The following SKOR2 variants were observed in gnomAD, a reference collection of about 807,000 sequenced individuals.
The protein encoded by SKOR2 is LBX1 corepressor 1-like protein.
A neutral mutation model predicts 69.1 loss-of-function variants in SKOR2; 47 were observed. The ratio of observed to expected loss-of-function variants is 0.68; its 90% confidence interval spans 0.54 to 0.87. SKOR2 has a LOEUF of 0.87. Ranked by LOEUF, SKOR2 falls within the 40% of genes least tolerant of loss-of-function variation. The probability of loss-of-function intolerance (pLI) is 0.00; values close to 1 mark genes in which losing one functional copy is unlikely to be tolerated. For missense variants in SKOR2, 1,404 were observed against 1,472.2 expected, an observed-to-expected ratio of 0.95 and a Z score of 0.76; for synonymous variants, 717 against 672.6, an observed-to-expected ratio of 1.07 and a Z score of -1.02.
At chr18:47,245,659 C>T (rs899995382) in intron 2 of SKOR2, 98 bp from the exon 3 acceptor site, 45 of 1,123,350 alleles carry the variant, frequency 4.0e-5, no homozygotes, top group African/African-American at 1.6e-5. Flanking sequence ...AAAGTGACTC[C>T]ATGGAGCCTC....
At chr18:47,231,672 C>T (rs1294536006) in intron 4 of SKOR2, among the ~76,000 whole-genome samples, 3 of 151,836 alleles carry the variant, frequency 2.0e-5, no homozygotes, top group South Asian at 2.1e-4. Flanking sequence ...GGAGAAACCC[C>T]GTCTCTATGA....
At chr18:47,251,280 C>G (rs1202138009) in intron 1 of SKOR2, 94 bp downstream of exon 1, 1 of 152,302 alleles carries the variant, frequency 6.6e-6, no homozygotes, top group Non-Finnish European at 1.5e-5. Flanking sequence ...CACCGCTGCC[C>G]CTCAACCTAA....
Position 47,230,561 on chromosome 18 carries a change from A to AT in SKOR2, c.2819-5dup, listed in dbSNP as rs2144495442. 2 of 1,404,242 alleles carry AT rather than the reference A, an allele frequency of 1.4e-6. No homozygotes were observed. The allele number at this position is 1,404,242 out of a possible 1,614,324, so 87.0% of individuals were successfully genotyped here. A position where few individuals can be genotyped will look rare whatever the true frequency, so the allele number is the denominator to read the frequency against. Reference sequence around the variant, plus strand: ...AATAAAACCTTCTGAAGTTCTTCTAATAAAAAAAAGAAGAGTCATTTTACT... The same window carrying AT: ...AATAAAACCTTCTGAAGTTCTTCTAATTAAAAAAAAGAAGAGTCATTTTACT... On this transcript the variant is annotated splice_region_variant and splice_polypyrimidine_tract_variant and intron_variant, in intron 5 of 8. Transcript: ENST00000425639.
rs2064278261 is a variant in SKOR2, at chr18:47,246,966, C to G, written c.2218G>C (p.Glu740Gln). ...DSSEDEDDEEEEQEVDVEGHK... is the reference protein window; with the variant it reads ...DSSEDEDDEEQEQEVDVEGHK... Reference sequence around the variant, plus strand: ...CCCTCCACGTCCACCTCCTGCTCTTCTTCCTCGTCGTCCTCGTCCTCGGAG... The same window carrying G: ...CCCTCCACGTCCACCTCCTGCTCTTGTTCCTCGTCGTCCTCGTCCTCGGAG... The change falls in exon 2 of 9, where the codon GAA becomes CAA. Residue 740 changes from glutamate (E) to glutamine (Q), a missense_variant. Around this residue, in one of 3 missense-constraint regions of SKOR2, gnomAD observed 1,266 missense variants for 1,309.9 expected, o/e 0.97. Coordinates refer to ENST00000425639, the MANE Select transcript of SKOR2 (RefSeq NM_001278063.4). The G allele has an allele frequency of 6.7e-7, 1 of 1,498,452 alleles. No individual in the cohort carries two copies. The highest frequency in any genetic ancestry group is 8.8e-7 in the Non-Finnish European group (1 of 1,130,374). The allele number at this position is 1,498,452 out of a possible 1,614,324, so 92.8% of individuals were successfully genotyped here.
intron 7 of SKOR2, among the ~76,000 whole-genome samples, chr18:47,216,575 A>G (rs1032213421): frequency 6.6e-6 from 1 of 152,222 alleles, no homozygotes; most frequent in African/African-American, 2.4e-5. Flanking sequence ...CAGAAATGAC[A>G]GTCAACAGAG....
In SKOR2 at chr18:47,247,602, G is replaced by T. The variant is rs1285817933; in HGVS notation, c.1582C>A (p.Pro528Thr). ...ACTACCTGCGGGGGCTGCCCCGGCG[G>T]GGGCGCGGCCTCGGCGCTCCCAGCA... Reference protein sequence around the residue: ...GAAGSAEAAPPPGQPPQVVAN... With the variant: ...GAAGSAEAAPTPGQPPQVVAN... Residue 528 changes from proline to threonine, a missense_variant, in exon 2 of 9, where the codon CCG becomes ACG. Coordinates refer to ENST00000425639, the MANE Select transcript of SKOR2 (RefSeq NM_001278063.4). This position sits in a 1 kb window ranked among gnomAD's most constrained non-coding sequence, Gnocchi z 6.6. 19 of 1,269,220 alleles carry T rather than the reference G, an allele frequency of 1.5e-5. No homozygotes were observed. The highest frequency in any genetic ancestry group is 1.9e-5 in the Non-Finnish European group (19 of 1,010,290). 78.6% of individuals were successfully genotyped at this position (1,269,220 alleles called of 1,614,324 possible). A position where few individuals can be genotyped will look rare whatever the true frequency, so the allele number is the denominator to read the frequency against.
intron 4 of SKOR2, among the ~76,000 whole-genome samples, chr18:47,239,206 T>A (rs934495731): frequency 6.6e-5 from 10 of 152,116 alleles, no homozygotes; most frequent in African/African-American, 2.4e-4. Flanking sequence ...CATTAAAAAA[T>A]CAATTATATA....
intron 4 of SKOR2, among the ~76,000 whole-genome samples, chr18:47,235,182 G>A (rs1241119733): frequency 2.0e-5 from 3 of 152,094 alleles, no homozygotes; most frequent in Non-Finnish European, 4.4e-5. Flanking sequence ...GCAACATGGC[G>A]AAACTCTGTC....
chr18:47,248,095 G>T lies in SKOR2; in HGVS notation c.1089C>A (p.Gly363=), dbSNP rs570262618. 194 of 1,356,168 alleles carry T rather than the reference G, an allele frequency of 1.4e-4. 1 individual carries two copies. The African/African-American group carries it at 2.8e-3, about 19-fold the overall frequency. The allele number at this position is 1,356,168 out of a possible 1,614,324, so 84.0% of individuals were successfully genotyped here. The change falls in exon 2 of 9, where the codon GGC becomes GGA. Residue 363 remains glycine, a synonymous_variant. Coordinates refer to ENST00000425639, the MANE Select transcript of SKOR2 (RefSeq NM_001278063.4). The surrounding 1 kb of genome is among the most constrained non-coding windows in gnomAD (Gnocchi z 6.4). ...CCCCGGCACCCGCCCCCGCGCCCGCGCCCACGCCCACGCCGGCCACACAGC... is the reference window on the plus strand; with the variant it reads ...CCCCGGCACCCGCCCCCGCGCCCGCTCCCACGCCCACGCCGGCCACACAGC... ...GGGCVAGVGV[G]AGAGAGAGAG...
At chr18:47,235,926 T>C (rs1294352615) in intron 4 of SKOR2, among the ~76,000 whole-genome samples, 1 of 152,136 alleles carries the variant, frequency 6.6e-6, no homozygotes, top group Non-Finnish European at 1.5e-5. Context: ...AAAGACTCCA[T>C]TCTAAAGTTC....
Position 47,244,985 on chromosome 18 carries a change from A to T in SKOR2, c.2678-3T>A. 7 of 1,534,192 alleles carry T rather than the reference A, an allele frequency of 4.6e-6. No homozygotes were observed. The highest frequency in any genetic ancestry group is 6.1e-6 in the Non-Finnish European group (7 of 1,146,046). On this transcript the variant is annotated splice_region_variant and splice_polypyrimidine_tract_variant and intron_variant, in intron 3 of 8. Transcript: ENST00000425639. ...AAAGCTATGCTCCTTGTTCTTATCT[A>T]GAACCAAAACAAAACACAAAATCTG...
At chr18:47,250,266 A>G (rs796970434) in intron 1 of SKOR2, among the ~76,000 whole-genome samples, 3 of 152,348 alleles carry the variant, frequency 2.0e-5, no homozygotes, top group African/African-American at 7.2e-5. Context: ...GGGAGTGTTG[A>G]AAGTCGAAAT....
At chr18:47,207,074 TTGCTGTG>T (rs2144469295) in intron 8 of SKOR2, among the ~76,000 whole-genome samples, 182 bp from the exon 9 acceptor site, 2 of 152,278 alleles carry the variant, frequency 1.3e-5, no homozygotes, top group South Asian at 4.1e-4. Flanking sequence ...GTGTGCTGGT[TTGCTGTG>T]TGCTTTTCAC....
intron 4 of SKOR2, among the ~76,000 whole-genome samples, chr18:47,243,392 G>A (rs1437082079): frequency 2.0e-5 from 3 of 152,200 alleles, no homozygotes; most frequent in Non-Finnish European, 2.9e-5. Context: ...TCATATTCAT[G>A]AATGTGTTGT....
At chr18:47,240,928 G>C (rs1050482186) in intron 4 of SKOR2, among the ~76,000 whole-genome samples, 7 of 152,100 alleles carry the variant, frequency 4.6e-5, no homozygotes, top group Non-Finnish European at 1.0e-4. Context: ...TTTTGTTATA[G>C]CTATATAAGC....
At chr18:47,224,907 A>G (rs1288140815) in intron 6 of SKOR2, among the ~76,000 whole-genome samples, 2 of 152,128 alleles carry the variant, frequency 1.3e-5, no homozygotes, top group African/African-American at 4.8e-5. Context: ...GACCTGAGCC[A>G]CTGTGCCCAG....
chr18:47,217,404 G>C (rs1321918899), intron 7 of SKOR2, among the ~76,000 whole-genome samples: 1 of 152,200 alleles, frequency 6.6e-6, no homozygotes, highest in Non-Finnish European at 1.5e-5. Context: ...TCAATCCCAA[G>C]TTACAGATGT....
At chr18:47,220,590 C>G (rs2064158380) in intron 6 of SKOR2, among the ~76,000 whole-genome samples, 1 of 152,102 alleles carries the variant, frequency 6.6e-6, no homozygotes, top group Admixed American at 6.5e-5. Flanking sequence ...TGTCCTGGTG[C>G]CTTTCTACAG....
intron 4 of SKOR2, among the ~76,000 whole-genome samples, chr18:47,238,179 G>T (rs531422281): frequency 1.1e-3 from 161 of 152,120 alleles, no homozygotes; most frequent in African/African-American, 3.8e-3. Context: ...AATATTTGGA[G>T]AAAATGTTTT....
Sources: gnomAD v4.1 joint callset for allele counts (sites outside exome capture counted in the v4.1 genomes callset) on GRCh38, gnomAD v4.1.1 for gene constraint, gnomAD v4.1.1 regional missense constraint, Gnocchi (gnomAD v3.1) non-coding constraint, MANE v1.5 for transcripts, NCBI Gene and HGNC (gene_info 2026-07-23, HGNC 2026-07-21) for gene names.